Variants in CSMD1 observed in about 807,000 individuals in gnomAD.
CSMD1 encodes the protein CUB and Sushi multiple domains 1.
In CSMD1, 213 loss-of-function variants were observed where a neutral mutation model predicts 417.5. That is an observed-to-expected ratio of 0.51 (90% CI 0.46 to 0.57). CSMD1 has a LOEUF of 0.57. Among genes scored for constraint, CSMD1 ranks in the 20% least tolerant of loss-of-function variants. CSMD1 has a pLI of 0.00. For synonymous variants in CSMD1, 2,862 were observed against 1,736.8 expected (o/e 1.65, Z -16.11); for missense variants, 6,923 against 4,529.7 (o/e 1.53, Z -15.17).
At chr8:2,994,371 C>A (rs1806687549) in intron 54 of CSMD1, among the ~76,000 whole-genome samples, 1 of 152,078 alleles carries the variant, frequency 6.6e-6, no homozygotes, top group Non-Finnish European at 1.5e-5. Flanking sequence ...TGGGTGGATT[C>A]TTTCCCCACA....
intron 62 of CSMD1, among the ~76,000 whole-genome samples, chr8:2,960,637 A>C (rs189019958): frequency 2.0e-5 from 3 of 152,316 alleles, no homozygotes; most frequent in Admixed American, 2.0e-4. Context: ...TAATTCATAG[A>C]AATTTAAAGA....
chr8:4,329,207 T>C (rs941317351), intron 3 of CSMD1, among the ~76,000 whole-genome samples: 2 of 152,178 alleles, frequency 1.3e-5, no homozygotes, highest in African/African-American at 2.4e-5. Flanking sequence ...ATGTTTCCAA[T>C]ACAAATTATT....
chr8:4,209,309 T>G (rs1647315), intron 3 of CSMD1, among the ~76,000 whole-genome samples: 1 of 151,998 alleles, frequency 6.6e-6, no homozygotes, highest in African/African-American at 2.4e-5. Flanking sequence ...GTGGTTCCCA[T>G]CTATGAGACA....
At chr8:4,288,524 G>C (rs748090817) in intron 3 of CSMD1, among the ~76,000 whole-genome samples, 8 of 152,198 alleles carry the variant, frequency 5.3e-5, no homozygotes, top group Non-Finnish European at 1.0e-4. Flanking sequence ...AGTAGTAGCA[G>C]ATACCACATC....
At chr8:3,666,259 C>A (rs1245651744) in intron 7 of CSMD1, among the ~76,000 whole-genome samples, 1 of 147,574 alleles carries the variant, frequency 6.8e-6, no homozygotes, top group Admixed American at 6.7e-5. Context: ...TTCTATTCCT[C>A]ACAGGTCTTA....
chr8:4,083,381 T>C (rs937317557), intron 3 of CSMD1, among the ~76,000 whole-genome samples: 1 of 152,190 alleles, frequency 6.6e-6, no homozygotes, highest in Non-Finnish European at 1.5e-5. Flanking sequence ...GTGAGCATTT[T>C]TTCATGTGTT....
chr8:3,815,229 G>T (rs1256858401), intron 5 of CSMD1, among the ~76,000 whole-genome samples: 5 of 152,130 alleles, frequency 3.3e-5, no homozygotes, highest in African/African-American at 1.2e-4. Flanking sequence ...TGGGAACATA[G>T]AGTACCCATA....
At chr8:4,175,190 T>A (rs985987319) in intron 3 of CSMD1, among the ~76,000 whole-genome samples, 3 of 152,230 alleles carry the variant, frequency 2.0e-5, no homozygotes, top group Admixed American at 2.0e-4. Flanking sequence ...AATTACTTCT[T>A]ACTGGGGAAA....
intron 3 of CSMD1, among the ~76,000 whole-genome samples, chr8:4,350,375 A>C (rs1801021742): frequency 6.6e-6 from 1 of 152,160 alleles, no homozygotes; most frequent in Admixed American, 6.6e-5. Context: ...AAATCAAAAT[A>C]GTGTTATAAA....
At chr8:4,318,811 A>G (rs549927424) in intron 3 of CSMD1, among the ~76,000 whole-genome samples, 2 of 152,184 alleles carry the variant, frequency 1.3e-5, no homozygotes, top group East Asian at 1.9e-4. Flanking sequence ...ATTTTAAACT[A>G]TTTGAAAGCT....
chr8:3,488,608 C>T (rs939933745), intron 11 of CSMD1, among the ~76,000 whole-genome samples: 1 of 152,304 alleles, frequency 6.6e-6, no homozygotes, highest in South Asian at 2.1e-4. Context: ...AAGGCTAGGA[C>T]AATGGCTTAT....
chr8:3,397,076 T>C (rs1278717419), intron 16 of CSMD1, among the ~76,000 whole-genome samples: 1 of 152,056 alleles, frequency 6.6e-6, no homozygotes, highest in South Asian at 2.1e-4. Flanking sequence ...ATATATAAAG[T>C]TGCAGCCACT....
intron 9 of CSMD1, 89 bp downstream of exon 9, chr8:3,586,047 C>G (rs989038439): frequency 7.4e-7 from 1 of 1,359,758 alleles, no homozygotes; most frequent in African/African-American, 1.5e-5. Context: ...TTCCCATACA[C>G]AATGCTTCAT....
chr8:3,819,475 G>A (rs992002462), intron 5 of CSMD1, among the ~76,000 whole-genome samples: 17 of 151,830 alleles, frequency 1.1e-4, no homozygotes, highest in Non-Finnish European at 4.4e-5. Context: ...TCAATCGTCG[G>A]TGGCACTGCT....
chr8:4,159,206 G>T (rs774176929), intron 3 of CSMD1, among the ~76,000 whole-genome samples: 2 of 152,084 alleles, frequency 1.3e-5, no homozygotes, highest in Non-Finnish European at 2.9e-5. Flanking sequence ...ATGAGCCACC[G>T]TGCCCAGCCC....
At chr8:4,250,119 G>A (rs1043761203) in intron 3 of CSMD1, among the ~76,000 whole-genome samples, 1 of 152,138 alleles carries the variant, frequency 6.6e-6, no homozygotes, top group Non-Finnish European at 1.5e-5. Context: ...GAAAGCCCCT[G>A]ATCAACTACC....
chr8:4,922,453 C>G (rs1240138510), intron 1 of CSMD1, among the ~76,000 whole-genome samples: 2 of 152,166 alleles, frequency 1.3e-5, no homozygotes, highest in Non-Finnish European at 2.9e-5. Flanking sequence ...ATAAGAACTT[C>G]TAATAACTTG....
rs76545898 is a variant in CSMD1, at chr8:4,396,983, T to C, written c.415+22970A>G. Among the ~76,000 whole-genome samples, 611 of 152,128 alleles carry C rather than the reference T, an allele frequency of 4.0e-3. 4 individuals carry two copies. The highest frequency in any genetic ancestry group is 0.014 in the African/African-American group (572 of 41,488). ...AAGTCTCAGAAATCACTAAAGGACC[T>C]ATTCATGTAACCAAACACCATCTGT... is the stretch of plus-strand genomic sequence containing the variant. On this transcript the variant is annotated intron_variant, in intron 3 of 69. Coordinates refer to ENST00000635120, the MANE Select transcript of CSMD1 (RefSeq NM_033225.6).
chr8:4,714,597 G>T lies in CSMD1; in HGVS notation c.86-77039C>A, dbSNP rs189436072. On this transcript the variant is annotated intron_variant, in intron 1 of 69. Transcript: ENST00000635120. The stretch of plus-strand genomic sequence containing the variant: ...GTTCATAGGGTTATTGAATAACACA[G>T]CTGAGATTCAAATTCACACCACTCA... Among the ~76,000 whole-genome samples, 446 of 151,840 alleles carry T rather than the reference G, an allele frequency of 2.9e-3. 6 individuals carry two copies. The highest frequency in any genetic ancestry group is 6.8e-3 in the Admixed American group (104 of 15,250).
Sources: allele counts gnomAD v4.1 joint callset (sites outside exome capture counted in the v4.1 genomes callset), GRCh38; gene constraint gnomAD v4.1.1; transcripts MANE v1.5; gene names NCBI Gene and HGNC (gene_info 2026-07-23, HGNC 2026-07-21).